The following SPOCK3 variants were observed in gnomAD, a reference collection of about 807,000 sequenced individuals.
SPOCK3 encodes the protein SPARC (osteonectin), cwcv and kazal like domains proteoglycan 3, also known as testican-3.
In SPOCK3, 30 loss-of-function variants were observed where a neutral mutation model predicts 56.6. The ratio of observed to expected loss-of-function variants is 0.53; its 90% CI spans 0.40 to 0.72. The LOEUF (loss-of-function observed/expected upper bound fraction) is 0.72. SPOCK3 is among the 30% of genes least tolerant of loss of function. The pLI is 0.00. For missense variants in SPOCK3, 527 were observed against 530.0 expected (o/e 0.99, Z 0.06); for synonymous variants, 196 against 183.3 (o/e 1.07, Z -0.56).
At chr4:166,994,136 G>A (rs1037095940) in intron 4 of SPOCK3, among the ~76,000 whole-genome samples, 2 of 152,030 alleles carry the variant, frequency 1.3e-5, no homozygotes, top group African/African-American at 4.8e-5. Context: ...AGGACATCTC[G>A]CGAGAAAATA....
chr4:166,966,979 T>C (rs1181337795), intron 4 of SPOCK3, among the ~76,000 whole-genome samples: 1 of 152,170 alleles, frequency 6.6e-6, no homozygotes, highest in Admixed American at 6.5e-5. Context: ...ACCAGCATCA[T>C]GCAACCTCTA....
chr4:167,031,703 AT>A (rs1387489488), intron 3 of SPOCK3, among the ~76,000 whole-genome samples: 8 of 152,146 alleles, frequency 5.3e-5, no homozygotes, highest in Non-Finnish European at 1.0e-4. Context: ...ATAATTAAAA[AT>A]AGGGTTTATG....
At chr4:166,875,921 G>T (rs1379517884) in intron 6 of SPOCK3, among the ~76,000 whole-genome samples, 1 of 152,198 alleles carries the variant, frequency 6.6e-6, no homozygotes, top group East Asian at 1.9e-4. Context: ...ACAGCAGGTA[G>T]CAAAAGCTTC....
At chr4:167,040,986 C>T (rs1041150270) in intron 3 of SPOCK3, among the ~76,000 whole-genome samples, 2 of 152,110 alleles carry the variant, frequency 1.3e-5, no homozygotes, top group East Asian at 3.9e-4. Context: ...AGGTCTCACT[C>T]GAAGGTGTAA....
intron 6 of SPOCK3, among the ~76,000 whole-genome samples, chr4:166,816,094 G>T (rs1744349955): frequency 6.6e-6 from 1 of 151,994 alleles, no homozygotes; most frequent in Non-Finnish European, 1.5e-5. Context: ...TCTAGAAAAT[G>T]AATGTAAATA....
chr4:166,795,291 C>A (rs1313653503), intron 6 of SPOCK3, among the ~76,000 whole-genome samples: 1 of 151,878 alleles, frequency 6.6e-6, no homozygotes, highest in Admixed American at 6.6e-5. Flanking sequence ...AACCGTATAT[C>A]AGTAATATAT....
chr4:167,041,544 A>G (rs970047891), intron 3 of SPOCK3, among the ~76,000 whole-genome samples: 1 of 152,168 alleles, frequency 6.6e-6, no homozygotes, highest in Non-Finnish European at 1.5e-5. Context: ...AATTAGCAAC[A>G]ATCCTACTCC....
intron 2 of SPOCK3, among the ~76,000 whole-genome samples, chr4:167,109,441 T>C (rs1467953222): frequency 9.5e-6 from 1 of 105,142 alleles, no homozygotes; most frequent in Non-Finnish European, 1.8e-5. Flanking sequence ...GATAAATATA[T>C]ATTTATATTT....
chr4:166,739,997 C>T (rs1734666594), intron 9 of SPOCK3, among the ~76,000 whole-genome samples: 1 of 152,096 alleles, frequency 6.6e-6, no homozygotes, highest in Non-Finnish European at 1.5e-5. Flanking sequence ...TCACTGTTGT[C>T]ACATCTACAG....
Position 167,186,336 on chromosome 4 carries a change from C to G in SPOCK3, c.189+47649G>C, listed in dbSNP as rs541669174. On this transcript the variant is annotated intron_variant, in intron 2 of 10. Coordinates refer to ENST00000357545, the MANE Select transcript of SPOCK3 (RefSeq NM_001040159.2). ...CATAAATACTTGTTCACATTTAAAA[C>G]AAATCTCTAGGCCGGGCGTGGTGTT... is the stretch of plus-strand genomic sequence containing the variant. 1.8e-3 allele frequency among the ~76,000 whole-genome samples: 275 copies of G among 152,204 alleles called. 1 individual carries two copies. The highest frequency in any genetic ancestry group is 3.1e-3 in the Non-Finnish European group (208 of 67,978).
At chr4:167,017,572 C>T (rs1750746481) in intron 3 of SPOCK3, among the ~76,000 whole-genome samples, 1 of 152,082 alleles carries the variant, frequency 6.6e-6, no homozygotes, top group African/African-American at 2.4e-5. Flanking sequence ...TACACCCAGA[C>T]TGACACTATC....
chr4:167,055,171 GA>G (rs149415765), intron 3 of SPOCK3, among the ~76,000 whole-genome samples: 4,483 of 152,032 alleles, frequency 0.029, 196 homozygotes, highest in African/African-American at 0.1. Flanking sequence ...TGAAAAAGGG[GA>G]AAATCAACTT....
intron 6 of SPOCK3, among the ~76,000 whole-genome samples, chr4:166,856,158 A>AGGGGAGGAGGAGGAG (rs1351398737): frequency 1.3e-4 from 18 of 138,178 alleles, no homozygotes; most frequent in African/African-American, 4.5e-4. Flanking sequence ...CCAGAGACTG[A>AGGGGAGGAGGAGGAG]GGGGAGGAGG....
intron 3 of SPOCK3, among the ~76,000 whole-genome samples, chr4:167,020,761 A>AT (rs1253872088): frequency 6.6e-6 from 1 of 152,002 alleles, no homozygotes; most frequent in African/African-American, 2.4e-5. Context: ...AAGAAGCATC[A>AT]TTTTTTCCAT....
intron 2 of SPOCK3, among the ~76,000 whole-genome samples, chr4:167,230,188 ATGT>A (rs1433361395): frequency 6.6e-6 from 1 of 151,888 alleles, no homozygotes; most frequent in African/African-American, 2.4e-5. Flanking sequence ...AATTTTGATA[ATGT>A]TATTATACCA....
chr4:166,938,493 T>G (rs1019039969), intron 4 of SPOCK3, among the ~76,000 whole-genome samples: 1 of 152,176 alleles, frequency 6.6e-6, no homozygotes, highest in African/African-American at 2.4e-5. Flanking sequence ...AGTAGGTAAT[T>G]GCAAACTTAT....
intron 2 of SPOCK3, among the ~76,000 whole-genome samples, chr4:167,079,923 G>A (rs1331029032): frequency 6.6e-6 from 1 of 151,890 alleles, no homozygotes; most frequent in Non-Finnish European, 1.5e-5. Flanking sequence ...AGGGTGGGAG[G>A]CCATATGTGC....
chr4:166,823,165 A>AT (rs1466312711), intron 6 of SPOCK3, among the ~76,000 whole-genome samples: 4 of 152,006 alleles, frequency 2.6e-5, no homozygotes, highest in African/African-American at 9.7e-5. Context: ...TAAACATTTC[A>AT]TTTTTTCAAA....
intron 2 of SPOCK3, among the ~76,000 whole-genome samples, chr4:167,141,464 G>T (rs1427589987): frequency 6.6e-6 from 1 of 151,906 alleles, no homozygotes; most frequent in East Asian, 1.9e-4. Flanking sequence ...TAAAATCAGG[G>T]TCCCTCTCCA....
Sources: gnomAD v4.1 joint callset for allele counts (sites outside exome capture counted in the v4.1 genomes callset) on GRCh38, gnomAD v4.1.1 for gene constraint, MANE v1.5 for transcripts, NCBI Gene and HGNC (gene_info 2026-07-23, HGNC 2026-07-21) for gene names.